Variants in DNAAF4 observed in about 807,000 individuals in gnomAD.
The protein encoded by DNAAF4 is dynein axonemal assembly factor 4.
DNAAF4 carries 43 observed loss-of-function variants against 51.8 expected under a neutral mutation model. That is an observed-to-expected ratio of 0.83 (90% CI 0.65 to 1.07). The LOEUF (loss-of-function observed/expected upper bound fraction) is 1.07, where lower values mean the gene tolerates loss of function less well. Ranked by LOEUF, DNAAF4 falls within the 50% of genes least tolerant of loss-of-function variation. DNAAF4 has a pLI of 0.00. For missense variants in DNAAF4, 581 were observed against 493.0 expected, an observed-to-expected ratio of 1.18 and a Z score of -1.69; for synonymous variants, 194 against 165.6, an observed-to-expected ratio of 1.17 and a Z score of -1.32.
At chr15:55,465,404 A>ACACG (rs1320119164) in intron 5 of DNAAF4, among the ~76,000 whole-genome samples, 1 of 151,674 alleles carries the variant, frequency 6.6e-6, no homozygotes, top group Non-Finnish European at 1.5e-5. Flanking sequence ...ACACACACAC[A>ACACG]CACACACACA....
intron 6 of DNAAF4, among the ~76,000 whole-genome samples, chr15:55,444,761 C>T (rs181809263): frequency 1.3e-5 from 2 of 152,290 alleles, no homozygotes; most frequent in Admixed American, 1.3e-4. Flanking sequence ...AGGTCCTTCA[C>T]ATACCTTGTA....
At chr15:55,469,908 A>T (rs1395154344) in intron 4 of DNAAF4, among the ~76,000 whole-genome samples, 1 of 152,150 alleles carries the variant, frequency 6.6e-6, no homozygotes, top group Non-Finnish European at 1.5e-5. Context: ...GACAGTCTCC[A>T]CACAGATGCC....
In DNAAF4 at chr15:55,439,082, A is replaced by G. The variant is rs187135641; in HGVS notation, c.893+390T>C. ...CTCCAACAACACACAAACAGACAAA[A>G]TATCTAGAGAATGTGATAACTACTT... On this transcript the variant is annotated intron_variant, in intron 7 of 9. Coordinates refer to ENST00000321149, the MANE Select transcript of DNAAF4 (RefSeq NM_130810.4). Among the ~76,000 whole-genome samples the G allele has an allele frequency of 2.5e-3, 385 of 152,280 alleles. 1 individual carries two copies. Among genetic ancestry groups the G allele is most frequent in the African/African-American group, 8.8e-3 (367 of 41,570 alleles).
Position 55,480,312 on chromosome 15 carries a change from T to C in DNAAF4, c.405+10811A>G, listed in dbSNP as rs535704803. ...TTATGGAAAACAGAAAGAACCTACGTTGAAATACTGGGGGTGGGATCCCCC... is the reference window on the plus strand; with the variant it reads ...TTATGGAAAACAGAAAGAACCTACGCTGAAATACTGGGGGTGGGATCCCCC... On this transcript the variant is annotated intron_variant, in intron 4 of 9. Transcript: ENST00000321149. Among the ~76,000 whole-genome samples, 7 of 152,174 alleles carry C rather than the reference T, an allele frequency of 4.6e-5. No homozygotes were observed. In the South Asian group the frequency reaches 6.2e-4, roughly 14 times the overall value.
Position 55,491,144 on chromosome 15 carries a change from G to T in DNAAF4, c.384C>A (p.Tyr128Ter), listed in dbSNP as rs57914590. The T allele has an allele frequency of 3.7e-6, 6 of 1,613,994 alleles. No individual in the cohort carries two copies. Among genetic ancestry groups the T allele is most frequent in the Admixed American group, 1.7e-5 (1 of 60,008 alleles). ...TTACCTTCATCATGACACTTAGTGC[G>T]TATTTTTGATCTTCCCGCTTTGCTG... ...KAAAKREDQK[Y>*]ALSVMMKIEE... The change falls in exon 4 of 10, where the codon TAC becomes TAA. Residue 128 changes from tyrosine (Y) to a stop codon, truncating the protein, a stop_gained. Coordinates refer to ENST00000321149, the MANE Select transcript of DNAAF4 (RefSeq NM_130810.4). LOFTEE classifies it high-confidence loss of function.
At chr15:55,478,455 G>A (rs1302318265) in intron 4 of DNAAF4, among the ~76,000 whole-genome samples, 1 of 152,156 alleles carries the variant, frequency 6.6e-6, no homozygotes. Flanking sequence ...TCAACAAACA[G>A]GTCAACCTGC....
At chr15:55,419,761 C>A (rs1219061504) in intron 7 of DNAAF4, among the ~76,000 whole-genome samples, 1 of 152,034 alleles carries the variant, frequency 6.6e-6, no homozygotes, top group Non-Finnish European at 1.5e-5. Flanking sequence ...CATTGGGAGC[C>A]CGGGGCTGGT....
intron 4 of DNAAF4, among the ~76,000 whole-genome samples, chr15:55,473,228 T>G (rs1005771041): frequency 7.6e-6 from 1 of 131,294 alleles, no homozygotes; most frequent in African/African-American, 2.7e-5. Context: ...TATATGTGTG[T>G]GTGTATATAT....
Position 55,498,433 on chromosome 15 carries a change from G to C in DNAAF4, c.-104C>G. On this transcript the variant is annotated 5_prime_UTR_variant, in exon 2 of 10. Transcript: ENST00000321149. ...TGCGCCAGCCCTTCCGGGTCAGGCC[G>C]GCCGGGAGCCCGGCGTTCCCAGCGT... 3 of 1,486,218 alleles carry C rather than the reference G, an allele frequency of 2.0e-6. No homozygotes were observed. Among genetic ancestry groups the C allele is most frequent in the Non-Finnish European group, 2.7e-6 (3 of 1,120,340 alleles). The allele number at this position is 1,486,218 out of a possible 1,614,324, so 92.1% of individuals were successfully genotyped here. A position where few individuals can be genotyped will look rare whatever the true frequency, so the allele number is the denominator to read the frequency against.
rs150742722 is a variant in DNAAF4, at chr15:55,468,167, G to A, written c.406-1006C>T. ...TAATTTACATTTAAATAGGACATCT[G>A]AAGTGGTTCTAGACTATGGATATGC... On this transcript the variant is annotated intron_variant, in intron 4 of 9. Coordinates refer to ENST00000321149, the MANE Select transcript of DNAAF4 (RefSeq NM_130810.4). 2.8e-3 allele frequency among the ~76,000 whole-genome samples: 426 copies of A among 152,248 alleles called. 3 individuals are homozygous for A. Among genetic ancestry groups the A allele is most frequent in the African/African-American group, 1.0e-2 (415 of 41,562 alleles).
At chr15:55,480,924 A>G (rs2058400694) in intron 4 of DNAAF4, among the ~76,000 whole-genome samples, 1 of 152,084 alleles carries the variant, frequency 6.6e-6, no homozygotes, top group Non-Finnish European at 1.5e-5. Flanking sequence ...GGTGGAGGTA[A>G]ATGAATCATG....
chr15:55,501,644 G>C (rs1202666200), intron 1 of DNAAF4, among the ~76,000 whole-genome samples: 5 of 151,686 alleles, frequency 3.3e-5, no homozygotes, highest in African/African-American at 9.7e-5. Flanking sequence ...CAAAGTGCCG[G>C]GATTACAGGT....
At chr15:55,489,446 G>C (rs1352183260) in intron 4 of DNAAF4, among the ~76,000 whole-genome samples, 1 of 152,112 alleles carries the variant, frequency 6.6e-6, no homozygotes, top group Non-Finnish European at 1.5e-5. Flanking sequence ...GGCCAAGGCG[G>C]GTGAATCACT....
chr15:55,461,592 A>G (rs1486497246), intron 5 of DNAAF4, among the ~76,000 whole-genome samples: 1 of 152,186 alleles, frequency 6.6e-6, no homozygotes, highest in Non-Finnish European at 1.5e-5. Context: ...GAACTGAACG[A>G]TAATAGTGAC....
At chr15:55,462,249 A>C (rs1415640214) in intron 5 of DNAAF4, among the ~76,000 whole-genome samples, 5 of 152,070 alleles carry the variant, frequency 3.3e-5, no homozygotes, top group Admixed American at 2.6e-4. Context: ...GCTGGAATGC[A>C]GTGGTGAGAT....
intron 6 of DNAAF4, among the ~76,000 whole-genome samples, chr15:55,441,563 C>T (rs1417802057): frequency 2.0e-5 from 3 of 151,756 alleles, no homozygotes; most frequent in Non-Finnish European, 2.9e-5. Flanking sequence ...TCCCTCCCCC[C>T]TCCCACCACC....
chr15:55,495,545 G>A (rs1465978108), intron 3 of DNAAF4, among the ~76,000 whole-genome samples: 3 of 151,956 alleles, frequency 2.0e-5, no homozygotes, highest in Non-Finnish European at 2.9e-5. Context: ...AAGACCTATC[G>A]GCAACATAGT....
At chr15:55,505,800 G>A (rs2058724397) in intron 1 of DNAAF4, among the ~76,000 whole-genome samples, 1 of 152,154 alleles carries the variant, frequency 6.6e-6, no homozygotes, top group African/African-American at 2.4e-5. Flanking sequence ...ATAGCGTTAG[G>A]AGAAATACCT....
intron 6 of DNAAF4, among the ~76,000 whole-genome samples, chr15:55,446,766 TG>T (rs1873402120): frequency 2.0e-5 from 2 of 100,228 alleles, no homozygotes; most frequent in African/African-American, 7.9e-5. Context: ...GACAGGGTGG[TG>T]GCCAGGCAGA....
Sources: gnomAD v4.1 joint callset for allele counts (sites outside exome capture counted in the v4.1 genomes callset) on GRCh38, gnomAD v4.1.1 for gene constraint, MANE v1.5 for transcripts, NCBI Gene and HGNC (gene_info 2026-07-23, HGNC 2026-07-21) for gene names.